Variants in FARP1 observed in about 807,000 individuals in gnomAD.
FARP1 encodes FERM, ARHGEF and pleckstrin domain-containing protein 1.
A neutral mutation model predicts 128.8 loss-of-function variants in FARP1; 52 were observed. The ratio of observed to expected loss-of-function variants is 0.40; its 90% CI spans 0.32 to 0.51. FARP1 has a LOEUF of 0.51. FARP1 is among the 20% of genes least tolerant of loss of function. The pLI is 0.45. For synonymous variants in FARP1, 580 were observed against 551.8 expected, an observed-to-expected ratio of 1.05 and a Z score of -0.72; for missense variants, 1,333 against 1,367.9, an observed-to-expected ratio of 0.97 and a Z score of 0.40.
At chr13:98,285,779 T>C (rs1293645127) in intron 2 of FARP1, among the ~76,000 whole-genome samples, 1 of 152,196 alleles carries the variant, frequency 6.6e-6, no homozygotes, top group Non-Finnish European at 1.5e-5. Context: ...GTAGGAAGCT[T>C]ACTAAGAAGA....
chr13:98,408,900 C>T lies in FARP1; in HGVS notation c.1415-438C>T, dbSNP rs1457701958. Among the ~76,000 whole-genome samples the T allele has an allele frequency of 3.3e-5, 5 of 152,136 alleles. No homozygotes were observed. In the South Asian group the frequency reaches 6.2e-4, roughly 19 times the overall value. On this transcript the variant is annotated intron_variant, in intron 13 of 26. Transcript: ENST00000319562. The stretch of plus-strand genomic sequence containing the variant: ...TTAGCTGTGACCCATTGTTACGGGA[C>T]GTAGTGTGTCCTAAGTACAGCAGTT...
intron 5 of FARP1, among the ~76,000 whole-genome samples, chr13:98,372,691 T>C (rs1889401724): frequency 6.6e-6 from 1 of 152,206 alleles, no homozygotes; most frequent in South Asian, 2.1e-4. Context: ...AGGCATCAAA[T>C]GGGTGTGACA....
chr13:98,453,167 G>A lies in FARP1; in HGVS notation c.*4850G>A. On this transcript the variant is annotated 3_prime_UTR_variant, in exon 27 of 27. Transcript: ENST00000319562. ...GAAAAACAAAACCCCAAATGCCAAA[G>A]GAATTTCAGTGGGATGAAGTTCCTC... 2 of 1,613,706 alleles carry A rather than the reference G, an allele frequency of 1.2e-6. No homozygotes were observed. Among genetic ancestry groups the A allele is most frequent in the Non-Finnish European group, 1.7e-6 (2 of 1,179,864 alleles).
intron 9 of FARP1, among the ~76,000 whole-genome samples, chr13:98,389,332 A>C (rs1365635373): frequency 6.6e-6 from 1 of 152,224 alleles, no homozygotes; most frequent in Non-Finnish European, 1.5e-5. Flanking sequence ...TGGGAATGCT[A>C]AGGACAGTAG....
chr13:98,175,976 T>A, intron 1 of FARP1: 1 of 611,470 alleles, frequency 1.6e-6, no homozygotes, highest in Non-Finnish European at 2.9e-6. Flanking sequence ...ACACTTGGGT[T>A]GTTTACACCT....
chr13:98,212,447 A>T (rs759998535), intron 1 of FARP1, among the ~76,000 whole-genome samples: 2 of 152,212 alleles, frequency 1.3e-5, no homozygotes, highest in Non-Finnish European at 2.9e-5. Context: ...CAAGCCACGC[A>T]TGTGGAGACC....
At chr13:98,233,174 T>C (rs1288583142) in intron 2 of FARP1, among the ~76,000 whole-genome samples, 1 of 152,236 alleles carries the variant, frequency 6.6e-6, no homozygotes, top group Non-Finnish European at 1.5e-5. Context: ...AAAGGTGTTG[T>C]CTAATGTTAA....
intron 2 of FARP1, among the ~76,000 whole-genome samples, chr13:98,239,456 T>C (rs1166313151): frequency 6.6e-6 from 1 of 152,216 alleles, no homozygotes; most frequent in Non-Finnish European, 1.5e-5. Flanking sequence ...GTTGTTTATA[T>C]TTTATCCAGC....
chr13:98,289,217 C>T (rs1885338428), intron 2 of FARP1, among the ~76,000 whole-genome samples: 1 of 152,096 alleles, frequency 6.6e-6, no homozygotes, highest in African/African-American at 2.4e-5. Flanking sequence ...CTCACGGACA[C>T]ATTAATCCGA....
chr13:98,408,607 G>A (rs148507479), intron 13 of FARP1, among the ~76,000 whole-genome samples: 12,816 of 152,152 alleles, frequency 0.084, 570 homozygotes, highest in East Asian at 0.11. Flanking sequence ...GGGATTACAG[G>A]CGCGAGCCAC....
chr13:98,205,481 C>T (rs1179859437), intron 1 of FARP1, among the ~76,000 whole-genome samples: 2 of 151,412 alleles, frequency 1.3e-5, no homozygotes, highest in African/African-American at 4.9e-5. Flanking sequence ...CAAGCTCCAC[C>T]TCCCGGGTTC....
chr13:98,149,775 T>C (rs1368043055), intron 1 of FARP1, among the ~76,000 whole-genome samples: 1 of 136,720 alleles, frequency 7.3e-6, no homozygotes, highest in Non-Finnish European at 1.5e-5. Flanking sequence ...TCTTACTCTG[T>C]TGCCCAGGCT....
chr13:98,309,676 A>G (rs535779011), intron 2 of FARP1, among the ~76,000 whole-genome samples: 1 of 152,220 alleles, frequency 6.6e-6, no homozygotes, highest in Non-Finnish European at 1.5e-5. Flanking sequence ...AGGAGTTGCC[A>G]TATTTGGCAG....
intron 11 of FARP1, 37 bp from the exon 12 acceptor site, chr13:98,393,605 CT>C: frequency 6.5e-7 from 1 of 1,539,032 alleles, no homozygotes; most frequent in South Asian, 1.1e-5. Context: ...AAACAAAAAC[CT>C]CACCTAACTT....
At chr13:98,308,063 T>A (rs1886263300) in intron 2 of FARP1, among the ~76,000 whole-genome samples, 1 of 110,450 alleles carries the variant, frequency 9.1e-6, no homozygotes, top group Non-Finnish European at 1.8e-5. Context: ...TTTTTTTTTT[T>A]TTGCTAAATG....
chr13:98,448,035 T>C (rs1892964367), intron 26 of FARP1: 3 of 599,450 alleles, frequency 5.0e-6, no homozygotes, highest in Non-Finnish European at 9.0e-6. Flanking sequence ...AGCTCCACAC[T>C]GAGTGAGTGC....
At chr13:98,181,203 A>G (rs1878484920) in intron 1 of FARP1, among the ~76,000 whole-genome samples, 4 of 152,216 alleles carry the variant, frequency 2.6e-5, no homozygotes, top group South Asian at 2.1e-4. Context: ...TACTAAGTGA[A>G]GGAAAAAATT....
chr13:98,209,511 T>C (rs190146951), intron 1 of FARP1, among the ~76,000 whole-genome samples: 43 of 145,222 alleles, frequency 3.0e-4, no homozygotes, highest in Admixed American at 9.6e-4. Context: ...AAAATAACTT[T>C]GTTGGCTGGG....
intron 13 of FARP1, chr13:98,396,382 G>GCAGTGCTGCGTTC (rs1234066395): frequency 5.0e-6 from 2 of 399,266 alleles, no homozygotes; most frequent in Non-Finnish European, 8.8e-6. Flanking sequence ...TGGTAACCCC[G>GCAGTGCTGCGTTC]CAGTGCTGCG....
Sources: gnomAD v4.1 joint callset for allele counts (sites outside exome capture counted in the v4.1 genomes callset) on GRCh38, gnomAD v4.1.1 for gene constraint, MANE v1.5 for transcripts, NCBI Gene and HGNC (gene_info 2026-07-23, HGNC 2026-07-21) for gene names.